PCNT: variants seen among roughly 807,000 people sequenced by gnomAD.
PCNT encodes the protein pericentrin.
PCNT carries 319 observed loss-of-function variants against 380.4 expected under a neutral mutation model. The observed-to-expected ratio is 0.84, with a 90% confidence interval of 0.77 to 0.92. PCNT has a LOEUF of 0.92. Ranked by LOEUF, PCNT falls within the 40% of genes least tolerant of loss-of-function variation. The pLI is 0.00. For synonymous variants in PCNT, 1,845 were observed against 1,735.2 expected, an observed-to-expected ratio of 1.06 and a Z score of -1.57; for missense variants, 4,400 against 4,255.3, an observed-to-expected ratio of 1.03 and a Z score of -0.95.
At chr21:46,396,050 A>C (rs1861349951) in intron 21 of PCNT, among the ~76,000 whole-genome samples, 1 of 152,210 alleles carries the variant, frequency 6.6e-6, no homozygotes, top group African/African-American at 2.4e-5. Context: ...AATAGTAATA[A>C]AATAGAGACT....
chr21:46,345,946 G>T (rs900394655), intron 3 of PCNT, among the ~76,000 whole-genome samples, 182 bp from the exon 4 acceptor site: 2 of 152,192 alleles, frequency 1.3e-5, no homozygotes, highest in South Asian at 2.1e-4. Context: ...GCCCACGTTT[G>T]TTCAACCATT....
intron 15 of PCNT, among the ~76,000 whole-genome samples, chr21:46,368,593 T>C (rs910002616): frequency 6.6e-6 from 1 of 152,220 alleles, no homozygotes; most frequent in African/African-American, 2.4e-5. Context: ...AGGACACGTG[T>C]TGTCGTATCA....
In PCNT at chr21:46,435,884, C is replaced by T. The variant is rs1003559370; in HGVS notation, c.8752-20C>T. On this transcript the variant is annotated intron_variant, in intron 38 of 46. Coordinates refer to ENST00000359568, the MANE Select transcript of PCNT (RefSeq NM_006031.6). ...ACACTGACGTGAACGTCTTCTCTGT[C>T]TTTTTTCTGTTAACAACAGCGAGAA... The T allele has an allele frequency of 2.9e-5, 47 of 1,613,848 alleles. No homozygotes were observed. The highest frequency in any genetic ancestry group is 4.0e-5 in the Non-Finnish European group (47 of 1,179,988).
At chr21:46,364,434 G>A (rs2084828167) in intron 14 of PCNT, among the ~76,000 whole-genome samples, 1 of 134,864 alleles carries the variant, frequency 7.4e-6, no homozygotes, top group East Asian at 2.3e-4. Flanking sequence ...CCCTGGGTGG[G>A]TGTCAGGGGC....
At position 46,335,689 on chromosome 21, in the gene PCNT, G is replaced by T. The variant is rs1334068195; in HGVS notation, c.639+921G>T. Reference sequence around the variant, plus strand: ...GTTTGGTTGTTTTTTGGTTTTTGGGGTTTTTTTTTTTTTTTTAAATAGAGA... The same window carrying T: ...GTTTGGTTGTTTTTTGGTTTTTGGGTTTTTTTTTTTTTTTTTAAATAGAGA... On this transcript the variant is annotated intron_variant, in intron 3 of 46. Transcript: ENST00000359568. Among the ~76,000 whole-genome samples, 61 of 141,876 alleles carry T rather than the reference G, an allele frequency of 4.3e-4. 1 individual carries two copies. In the East Asian group the frequency reaches 6.7e-3, roughly 16 times the overall value. 93.1% of individuals were successfully genotyped at this position (141,876 alleles called of 152,430 possible).
intron 43 of PCNT, among the ~76,000 whole-genome samples, chr21:46,442,186 A>G (rs1200911801): frequency 6.6e-6 from 1 of 151,930 alleles, no homozygotes; most frequent in Non-Finnish European, 1.5e-5. Flanking sequence ...GCTGACTTTG[A>G]ACTGGAGTCG....
intron 44 of PCNT, chr21:46,443,169 C>A: frequency 6.2e-6 from 1 of 162,294 alleles, no homozygotes; most frequent in South Asian, 1.7e-4. Flanking sequence ...CCACCGCCGA[C>A]TGGCACCATG....
chr21:46,430,398 G>C (rs2087699946), intron 36 of PCNT, 109 bp from the exon 37 acceptor site: 7 of 1,456,888 alleles, frequency 4.8e-6, no homozygotes, highest in Non-Finnish European at 6.6e-6. Context: ...GGGGGGTGAA[G>C]CACACGTGTG....
chr21:46,433,860 C>T (rs901055498), intron 38 of PCNT, among the ~76,000 whole-genome samples: 4 of 152,170 alleles, frequency 2.6e-5, no homozygotes, highest in African/African-American at 7.2e-5. Flanking sequence ...CAACCTCCAC[C>T]TCCCGGGTTC....
chr21:46,383,933 C>T, intron 16 of PCNT, among the ~76,000 whole-genome samples: 1 of 146,196 alleles, frequency 6.8e-6, no homozygotes, highest in African/African-American at 2.5e-5. Context: ...CGTTCAGTGG[C>T]AGAAGCGCAT....
Position 46,391,196 on chromosome 21 carries a change from G to T in PCNT, c.4036G>T (p.Asp1346Tyr). The change falls in exon 21 of 47, where the codon GAT (aspartate) becomes TAT (tyrosine). Residue 1346 changes from aspartate (D) to tyrosine (Y), a missense_variant. Asp to Tyr is a radical substitution (Grantham distance 160). Coordinates refer to ENST00000359568, the MANE Select transcript of PCNT (RefSeq NM_006031.6). ...TLEGFKVETA[D>Y]LKEVLAGKED... ...TGAGGGATTCAAGGTGGAGACAGCA[G>T]ATCTGAAGGAGGTGCTGGCCGGGAA... The T allele has an allele frequency of 1.2e-6, 2 of 1,608,096 alleles. No homozygotes were observed. Among genetic ancestry groups the T allele is most frequent in the Non-Finnish European group, 1.7e-6 (2 of 1,177,530 alleles).
chr21:46,326,285 C>T, intron 1 of PCNT, 92 bp from the exon 2 acceptor site: 4 of 1,257,762 alleles, frequency 3.2e-6, no homozygotes, highest in Non-Finnish European at 4.5e-6. Context: ...GCCCTCGGGC[C>T]TCATGGTCCC....
chr21:46,412,880 T>C lies in PCNT; in HGVS notation c.6038T>C (p.Leu2013Pro). 6.2e-7 allele frequency: 1 copy of C among 1,612,880 alleles called. No individual in the cohort carries two copies. The highest frequency in any genetic ancestry group is 1.1e-5 in the South Asian group (1 of 91,084). Residue 2013 changes from leucine to proline, a missense_variant, in exon 29 of 47, where the codon CTC (leucine) becomes CCC (proline). Coordinates refer to ENST00000359568, the MANE Select transcript of PCNT (RefSeq NM_006031.6). ...CTGGTGACGTTGAAGGATGCACCTC[T>C]CTGCAAGCAAGAAGGCGTGATGTCA... ...PVLVTLKDAPLCKQEGVMSVL... is the reference protein window; with the variant it reads ...PVLVTLKDAPPCKQEGVMSVL...
chr21:46,360,053 C>T (rs540324075), intron 13 of PCNT, among the ~76,000 whole-genome samples: 68 of 151,538 alleles, frequency 4.5e-4, no homozygotes, highest in African/African-American at 1.2e-3. Flanking sequence ...GATGAGGTTT[C>T]GCCATGTTGT....
At position 46,418,263 on chromosome 21, in the gene PCNT, A is replaced by T. The variant is rs748194669; in HGVS notation, c.6981A>T (p.Ser2327=). The T allele has an allele frequency of 1.9e-6, 3 of 1,609,486 alleles. No homozygotes were observed. The highest frequency in any genetic ancestry group is 2.6e-6 in the Non-Finnish European group (3 of 1,175,754). Residue 2327 remains serine (S), a synonymous_variant, in exon 31 of 47, where the codon TCA becomes TCT. Coordinates refer to ENST00000359568, the MANE Select transcript of PCNT (RefSeq NM_006031.6). ...TTGATTCTCAAGAAACATTAAGTTC[A>T]CCTCCTCCTGGATTAGAAGGAAAAG... ...TSFDSQETLS[S]PPPGLEGKAD...
Position 46,445,394 on chromosome 21 carries a change from C to T in PCNT, c.*67C>T. ...GAAAAGATTTGTTTTTCCCTTTTCC[C>T]AAGGAAGCTCGTGGGACAGCATGGG... On this transcript the variant is annotated 3_prime_UTR_variant, in exon 47 of 47. Transcript: ENST00000359568. 1.5e-6 allele frequency: 2 copies of T among 1,302,622 alleles called. No homozygotes were observed. Among genetic ancestry groups the T allele is most frequent in the Non-Finnish European group, 2.2e-6 (2 of 895,580 alleles). The allele number at this position is 1,302,622 out of a possible 1,614,324, so 80.7% of individuals were successfully genotyped here.
intron 15 of PCNT, among the ~76,000 whole-genome samples, chr21:46,368,241 C>T (rs978974331): frequency 6.6e-5 from 10 of 151,978 alleles, no homozygotes; most frequent in Admixed American, 4.6e-4. Context: ...GTCAGGTGAT[C>T]GAGACCATCC....
intron 21 of PCNT, among the ~76,000 whole-genome samples, chr21:46,393,066 C>T (rs967788891): frequency 6.6e-6 from 1 of 152,184 alleles, no homozygotes; most frequent in Non-Finnish European, 1.5e-5. Flanking sequence ...CCTTGGCCAG[C>T]TGTGAAGTCC....
chr21:46,370,889 G>T (rs973531798), intron 15 of PCNT, among the ~76,000 whole-genome samples: 1 of 152,136 alleles, frequency 6.6e-6, no homozygotes, highest in East Asian at 1.9e-4. Flanking sequence ...CAAAAAATTA[G>T]ACAGGCATGG....
Sources: allele counts gnomAD v4.1 joint callset (sites outside exome capture counted in the v4.1 genomes callset), GRCh38; gene constraint gnomAD v4.1.1; transcripts MANE v1.5; gene names NCBI Gene and HGNC (gene_info 2026-07-23, HGNC 2026-07-21).